SIPA1L3: variants seen among roughly 807,000 people sequenced by gnomAD.
SIPA1L3 encodes the protein signal-induced proliferation-associated 1-like protein 3.
A neutral mutation model predicts 150.1 loss-of-function variants in SIPA1L3; 59 were observed. That is an observed-to-expected ratio of 0.39 (90% CI 0.32 to 0.49). The LOEUF (loss-of-function observed/expected upper bound fraction) is 0.49, where lower values mean the gene tolerates loss of function less well. Among genes scored for constraint, SIPA1L3 ranks in the 20% least tolerant of loss-of-function variants. The pLI is 0.86. For synonymous variants in SIPA1L3, 1,070 were observed against 1,077.6 expected, an observed-to-expected ratio of 0.99 and a Z score of 0.14; for missense variants, 2,211 against 2,489.5, an observed-to-expected ratio of 0.89 and a Z score of 2.38.
chr19:37,983,488 G>A (rs577562983), intron 1 of SIPA1L3, among the ~76,000 whole-genome samples: 5 of 152,186 alleles, frequency 3.3e-5, no homozygotes, highest in Admixed American at 6.5e-5. Context: ...CCTAGGCACC[G>A]TGCAGTAGCG....
intron 2 of SIPA1L3, among the ~76,000 whole-genome samples, chr19:38,078,867 A>G (rs1969914803): frequency 6.6e-6 from 1 of 152,172 alleles, no homozygotes; most frequent in Non-Finnish European, 1.5e-5. Context: ...CCTCTCCAGC[A>G]GGATTTTCAT....
At chr19:37,955,449 A>G (rs1383535114) in intron 1 of SIPA1L3, among the ~76,000 whole-genome samples, 1 of 151,874 alleles carries the variant, frequency 6.6e-6, no homozygotes, top group Non-Finnish European at 1.5e-5. Flanking sequence ...GTGAAGCTGC[A>G]TAACTATCAC....
intron 2 of SIPA1L3, among the ~76,000 whole-genome samples, chr19:38,072,592 C>T (rs1484475084): frequency 2.0e-5 from 3 of 152,240 alleles, no homozygotes; most frequent in South Asian, 2.1e-4. Context: ...AAGGGAAAAG[C>T]GCAGCCTTCA....
intron 1 of SIPA1L3, chr19:37,963,976 A>G (rs780254860): frequency 6.6e-6 from 1 of 152,206 alleles, no homozygotes; most frequent in African/African-American, 2.4e-5. Flanking sequence ...AATTGCAAAC[A>G]TATAAGAAGT....
intron 1 of SIPA1L3, among the ~76,000 whole-genome samples, chr19:37,927,828 A>C (rs2046520046): frequency 6.6e-6 from 1 of 152,132 alleles, no homozygotes; most frequent in Non-Finnish European, 1.5e-5. Flanking sequence ...TCATTCACTT[A>C]GGATAATGGC....
At chr19:37,987,555 C>G (rs972979341) in intron 1 of SIPA1L3, among the ~76,000 whole-genome samples, 1 of 152,214 alleles carries the variant, frequency 6.6e-6, no homozygotes, top group Non-Finnish European at 1.5e-5. Context: ...ACAGCACCCC[C>G]CAGCGGGGAT....
intron 21 of SIPA1L3, among the ~76,000 whole-genome samples, chr19:38,205,518 A>G (rs1973190394): frequency 6.6e-6 from 1 of 152,020 alleles, no homozygotes; most frequent in Non-Finnish European, 1.5e-5. Context: ...ACTTCTGGGT[A>G]AAAGCCAGAA....
rs548274728 is a variant in SIPA1L3, at chr19:38,087,030, G to A, written c.1535-1691G>A. Among the ~76,000 whole-genome samples the A allele has an allele frequency of 9.2e-5, 14 of 152,334 alleles. No individual in the cohort carries two copies. The South Asian group carries it at 2.9e-3, about 32-fold the overall frequency. ...AAGATGTCCAGATATTGAGGATAAG[G>A]TTGGGGGGCAGGGTTCTTGCTAAAC... On this transcript the variant is annotated intron_variant, in intron 3 of 21. Coordinates refer to ENST00000222345, the MANE Select transcript of SIPA1L3 (RefSeq NM_015073.3).
chr19:37,984,126 C>T (rs1039637485), intron 1 of SIPA1L3, among the ~76,000 whole-genome samples: 14 of 152,272 alleles, frequency 9.2e-5, no homozygotes, highest in African/African-American at 3.1e-4. Context: ...TCCTTCCAGT[C>T]TCAGGGAGCG....
rs749245332 is a variant in SIPA1L3, at chr19:38,007,092, C to T, written c.-378-21997C>T. On this transcript the variant is annotated intron_variant, in intron 1 of 21. Coordinates refer to ENST00000222345, the MANE Select transcript of SIPA1L3 (RefSeq NM_015073.3). The stretch of plus-strand genomic sequence containing the variant: ...CAGCACTTTGGGAGACCAAGGCAGA[C>T]GGATCATTTGAGGTCAGGAGTTCAA... 6.6e-5 allele frequency among the ~76,000 whole-genome samples: 10 copies of T among 152,266 alleles called. No individual in the cohort carries two copies. In the East Asian group the frequency reaches 7.7e-4, roughly 12 times the overall value.
chr19:38,088,591 G>C, intron 3 of SIPA1L3, 130 bp from the exon 4 acceptor site: 1 of 1,158,016 alleles, frequency 8.6e-7, no homozygotes, highest in East Asian at 2.7e-5. Context: ...CCAGGCATGA[G>C]GTTTGCGTGA....
At chr19:37,969,920 T>C (rs1966892582) in intron 1 of SIPA1L3, among the ~76,000 whole-genome samples, 2 of 152,214 alleles carry the variant, frequency 1.3e-5, no homozygotes, top group Non-Finnish European at 2.9e-5. Flanking sequence ...ATGTTTGTCT[T>C]TACATGTTTA....
chr19:38,095,282 C>A (rs1016189857), intron 4 of SIPA1L3, among the ~76,000 whole-genome samples: 2 of 152,100 alleles, frequency 1.3e-5, no homozygotes, highest in Non-Finnish European at 2.9e-5. Context: ...ATTTTTATCC[C>A]CATTTTATCA....
At position 37,990,389 on chromosome 19, in the gene SIPA1L3, G is replaced by A. The variant is rs1010983831; in HGVS notation, c.-378-38700G>A. On this transcript the variant is annotated intron_variant, in intron 1 of 21. Transcript: ENST00000222345. ...TGTTGGGCACTACCTTGAGCCTATG[G>A]GAGGAAAGCAGCCAGTGAGACAGGC... 1.1e-4 allele frequency among the ~76,000 whole-genome samples: 16 copies of A among 152,304 alleles called. No homozygotes were observed. In the South Asian group the frequency reaches 2.3e-3, roughly 22 times the overall value.
intron 1 of SIPA1L3, among the ~76,000 whole-genome samples, chr19:37,911,451 G>C (rs574882383): frequency 1.8e-4 from 28 of 151,804 alleles, no homozygotes; most frequent in African/African-American, 6.5e-4. Context: ...AGTGCAGAGA[G>C]ACCACGCTTT....
chr19:38,059,571 A>C (rs181960742), intron 2 of SIPA1L3, among the ~76,000 whole-genome samples: 4 of 152,300 alleles, frequency 2.6e-5, no homozygotes. Context: ...CAAGAGTAAA[A>C]TCTCACTGTT....
intron 1 of SIPA1L3, among the ~76,000 whole-genome samples, chr19:38,024,472 C>T (rs537605454): frequency 6.6e-6 from 1 of 152,052 alleles, no homozygotes; most frequent in African/African-American, 2.4e-5. Context: ...CCTCTGCAGT[C>T]TCCTCGGAGG....
chr19:38,048,019 C>T (rs1447824498), intron 2 of SIPA1L3, among the ~76,000 whole-genome samples: 1 of 152,190 alleles, frequency 6.6e-6, no homozygotes, highest in African/African-American at 2.4e-5. Flanking sequence ...CACAGAGAAT[C>T]GTGCGTGTGC....
At chr19:38,142,379 C>G (rs1367867054) in intron 11 of SIPA1L3, among the ~76,000 whole-genome samples, 194 bp from the exon 12 acceptor site, 1 of 152,162 alleles carries the variant, frequency 6.6e-6, no homozygotes, top group African/African-American at 2.4e-5. Context: ...CCCAGCTTCT[C>G]TCGCCCTGTG....
Sources: gnomAD v4.1 joint callset for allele counts (sites outside exome capture counted in the v4.1 genomes callset) on GRCh38, gnomAD v4.1.1 for gene constraint, MANE v1.5 for transcripts, NCBI Gene and HGNC (gene_info 2026-07-23, HGNC 2026-07-21) for gene names.